Variants in DLGAP2 observed in about 807,000 individuals in gnomAD.
The protein encoded by DLGAP2 is DLG associated protein 2.
Under a neutral mutation model 100.3 loss-of-function variants are expected in DLGAP2, and 26 were observed. The observed-to-expected ratio is 0.26, with a 90% CI of 0.19 to 0.36. The LOEUF is 0.36. Ranked by LOEUF, DLGAP2 falls within the 10% of genes least tolerant of loss-of-function variation. The probability of loss-of-function intolerance (pLI) is 1.00; values close to 1 mark genes in which losing one functional copy is unlikely to be tolerated. For synonymous variants in DLGAP2, 886 were observed against 630.1 expected (o/e 1.41, Z -6.08); for missense variants, 1,858 against 1,453.2 (o/e 1.28, Z -4.53).
At chr8:1,520,487 C>T (rs1800556067) in intron 4 of DLGAP2, among the ~76,000 whole-genome samples, 1 of 152,288 alleles carries the variant, frequency 6.6e-6, no homozygotes, top group East Asian at 1.9e-4. Flanking sequence ...GCATGGTCCA[C>T]CCTGTGGGTT....
At chr8:1,490,046 C>G (rs1014933197) in intron 3 of DLGAP2, among the ~76,000 whole-genome samples, 1 of 151,076 alleles carries the variant, frequency 6.6e-6, no homozygotes, top group East Asian at 1.9e-4. Context: ...CACCTGCCAC[C>G]GCACCCGGCT....
intron 2 of DLGAP2, among the ~76,000 whole-genome samples, chr8:1,106,559 T>C (rs1251725291): frequency 1.3e-5 from 2 of 150,320 alleles, no homozygotes; most frequent in African/African-American, 2.4e-5. Flanking sequence ...TAGGAGGGTT[T>C]TCTACTGAAG....
intron 2 of DLGAP2, among the ~76,000 whole-genome samples, chr8:941,946 G>A (rs566485932): frequency 3.1e-4 from 47 of 152,182 alleles, no homozygotes; most frequent in African/African-American, 1.1e-3. Flanking sequence ...TGGGAAGCGG[G>A]GGTGCTGATG....
At chr8:1,458,326 G>A (rs1385771722) in intron 3 of DLGAP2, among the ~76,000 whole-genome samples, 1 of 152,022 alleles carries the variant, frequency 6.6e-6, no homozygotes, top group Admixed American at 6.6e-5. Context: ...CTGAATAACT[G>A]AGCACCTTCC....
Position 1,571,388 on chromosome 8 carries a change from G to T in DLGAP2, c.1442+5494G>T, listed in dbSNP as rs558985802. On this transcript the variant is annotated intron_variant, in intron 6 of 14. Transcript: ENST00000637795. ...TGGAGAGGAGAGAGGGGTGAACTGTGGGGGCATCTGATGAGATGGAGAGGA... is the reference window on the plus strand; with the variant it reads ...TGGAGAGGAGAGAGGGGTGAACTGTTGGGGCATCTGATGAGATGGAGAGGA... 1.0e-3 allele frequency among the ~76,000 whole-genome samples: 142 copies of T among 141,560 alleles called. 1 individual carries two copies. Among genetic ancestry groups the T allele is most frequent in the African/African-American group, 2.9e-3 (109 of 37,926 alleles). 92.9% of individuals were successfully genotyped at this position (141,560 alleles called of 152,430 possible).
chr8:1,353,613 C>T lies in DLGAP2; in HGVS notation c.106+94730C>T, dbSNP rs142902154. 1.6e-4 allele frequency among the ~76,000 whole-genome samples: 24 copies of T among 152,068 alleles called. No individual in the cohort carries two copies. In the East Asian group the frequency reaches 2.1e-3, roughly 13 times the overall value. ...TTAAGATGGTTTGTCAGGACATAACCCCATTATAAGGTGAGGGGTATTTGT... is the reference window on the plus strand; with the variant it reads ...TTAAGATGGTTTGTCAGGACATAACTCCATTATAAGGTGAGGGGTATTTGT... On this transcript the variant is annotated intron_variant, in intron 3 of 14. Transcript: ENST00000637795.
intron 2 of DLGAP2, among the ~76,000 whole-genome samples, chr8:1,213,378 G>GTCTCTATTGCAT (rs148189464): frequency 0.025 from 3,802 of 152,258 alleles, 153 homozygotes; most frequent in African/African-American, 0.077. Flanking sequence ...GTATTGCAAT[G>GTCTCTATTGCAT]ATAATCCAGT....
At chr8:1,524,375 T>C (rs188508083) in intron 4 of DLGAP2, among the ~76,000 whole-genome samples, 52 of 152,286 alleles carry the variant, frequency 3.4e-4, no homozygotes, top group African/African-American at 1.0e-3. Flanking sequence ...TTCCAAGCAG[T>C]GTGAGTCACA....
rs1427009656 is a variant in DLGAP2, at chr8:1,314,410, A to G, written c.106+55527A>G. 2.0e-5 allele frequency among the ~76,000 whole-genome samples: 3 copies of G among 152,384 alleles called. No individual in the cohort carries two copies. The South Asian group carries it at 6.2e-4, about 32-fold the overall frequency. ...TCACAGTAATGAAATTAAAGGGCACACAATATTTTTTTAAAACTCCATTAA... is the reference window on the plus strand; with the variant it reads ...TCACAGTAATGAAATTAAAGGGCACGCAATATTTTTTTAAAACTCCATTAA... On this transcript the variant is annotated intron_variant, in intron 3 of 14. Transcript: ENST00000637795.
chr8:1,271,954 G>T (rs1437897278), intron 3 of DLGAP2, among the ~76,000 whole-genome samples: 1 of 152,072 alleles, frequency 6.6e-6, no homozygotes, highest in African/African-American at 2.4e-5. Flanking sequence ...GGGACTACAG[G>T]TGTGTGCCAA....
At chr8:775,587 T>G (rs1358816276) in intron 1 of DLGAP2, among the ~76,000 whole-genome samples, 1 of 93,112 alleles carries the variant, frequency 1.1e-5, no homozygotes. Flanking sequence ...CAAAGGCCTT[T>G]TCTGCATCTA....
At chr8:1,685,503 G>T (rs117258262) in intron 12 of DLGAP2, among the ~76,000 whole-genome samples, 1 of 152,180 alleles carries the variant, frequency 6.6e-6, no homozygotes, top group Non-Finnish European at 1.5e-5. Flanking sequence ...ATCAGACTAA[G>T]AGAATCAACC....
chr8:1,519,877 A>G (rs373797472), intron 4 of DLGAP2, among the ~76,000 whole-genome samples: 1 of 152,130 alleles, frequency 6.6e-6, no homozygotes. Flanking sequence ...GCAGGGGAGC[A>G]TGGGTGGGGT....
chr8:868,575 C>G (rs1385792072), intron 1 of DLGAP2, among the ~76,000 whole-genome samples: 2 of 152,222 alleles, frequency 1.3e-5, no homozygotes, highest in African/African-American at 4.8e-5. Context: ...GAAAAAGTGT[C>G]CATCATCTCT....
intron 3 of DLGAP2, among the ~76,000 whole-genome samples, chr8:1,293,666 AT>A (rs1800108297): frequency 6.6e-6 from 1 of 152,178 alleles, no homozygotes. Flanking sequence ...TGTCTCTAGA[AT>A]TTCTCAGAAG....
chr8:1,665,973 G>C lies in DLGAP2; in HGVS notation c.1811-2356G>C, dbSNP rs139084898. Among the ~76,000 whole-genome samples the C allele has an allele frequency of 7.4e-3, 1,129 of 152,278 alleles. 16 individuals are homozygous for C. Among genetic ancestry groups the C allele is most frequent in the African/African-American group, 0.026 (1,069 of 41,550 alleles). Reference sequence around the variant, plus strand: ...AACACCCTTGATAAATCAGCGCTGTGAAACACTGCCAGGAAAGGCGTCATC... The same window carrying C: ...AACACCCTTGATAAATCAGCGCTGTCAAACACTGCCAGGAAAGGCGTCATC... On this transcript the variant is annotated intron_variant, in intron 8 of 14. Transcript: ENST00000637795.
At chr8:1,067,745 G>A (rs911556021) in intron 2 of DLGAP2, among the ~76,000 whole-genome samples, 5 of 149,840 alleles carry the variant, frequency 3.3e-5, no homozygotes, top group South Asian at 4.4e-4. Flanking sequence ...GCCCTCCCTC[G>A]TGACCCAGTC....
At chr8:924,540 C>CG (rs1366703126) in intron 2 of DLGAP2, among the ~76,000 whole-genome samples, 1 of 150,858 alleles carries the variant, frequency 6.6e-6, no homozygotes, top group Non-Finnish European at 1.5e-5. Flanking sequence ...TCAGAAACTT[C>CG]GGGAAGCTGG....
chr8:986,662 AT>A (rs3042253), intron 2 of DLGAP2, among the ~76,000 whole-genome samples: 139 of 144,374 alleles, frequency 9.6e-4, no homozygotes, highest in East Asian at 2.5e-3. Context: ...ACTGTATTTG[AT>A]TTTTTTTTTT....
Sources: gnomAD v4.1 joint callset for allele counts (sites outside exome capture counted in the v4.1 genomes callset) on GRCh38, gnomAD v4.1.1 for gene constraint, MANE v1.5 for transcripts, NCBI Gene and HGNC (gene_info 2026-07-23, HGNC 2026-07-21) for gene names.